Variants in CDK14 observed in about 807,000 individuals in gnomAD.
The protein encoded by CDK14 is cyclin dependent kinase 14.
In CDK14, 34 loss-of-function variants were observed where a neutral mutation model predicts 60.7. The observed-to-expected ratio is 0.56, with a 90% CI of 0.43 to 0.75. CDK14 has a LOEUF of 0.75. Among genes scored for constraint, CDK14 ranks in the 30% least tolerant of loss-of-function variants. The pLI, the probability that CDK14 is intolerant of heterozygous loss-of-function variation, is 0.00. For missense variants in CDK14, 482 were observed against 564.1 expected, an observed-to-expected ratio of 0.85 and a Z score of 1.47; for synonymous variants, 197 against 203.7, an observed-to-expected ratio of 0.97 and a Z score of 0.28.
chr7:90,710,275 A>T lies in CDK14; in HGVS notation c.124-16292A>T, dbSNP rs991435544. On this transcript the variant is annotated intron_variant, in intron 2 of 14. Coordinates refer to ENST00000380050, the MANE Select transcript of CDK14 (RefSeq NM_001287135.2). ...TGCTTCTTTGCCATATCTGAGTCTTATTCCTTCTGAAACTAGTCTTTATTT... is the reference window on the plus strand; with the variant it reads ...TGCTTCTTTGCCATATCTGAGTCTTTTTCCTTCTGAAACTAGTCTTTATTT... 6.1e-6 allele frequency: 6 copies of T among 985,156 alleles called. No homozygotes were observed. The African/African-American group carries it at 1.0e-4, about 17-fold the overall frequency. The allele number at this position is 985,156 out of a possible 1,614,324, so 61.0% of individuals were successfully genotyped here. A position where few individuals can be genotyped will look rare whatever the true frequency, so the allele number is the denominator to read the frequency against.
chr7:90,994,933 CT>C (rs901841022), intron 10 of CDK14, among the ~76,000 whole-genome samples: 2 of 152,172 alleles, frequency 1.3e-5, no homozygotes, highest in African/African-American at 4.8e-5. Context: ...TTGAGTAAAA[CT>C]TTCATTTGCA....
intron 4 of CDK14, among the ~76,000 whole-genome samples, chr7:90,773,850 TCC>T (rs1804889762): frequency 1.7e-5 from 1 of 59,766 alleles, no homozygotes; most frequent in Non-Finnish European, 3.7e-5. Flanking sequence ...TTCCCTCCTC[TCC>T]TCTCCTCTCC....
intron 2 of CDK14, among the ~76,000 whole-genome samples, chr7:90,724,891 A>G (rs1249242718): frequency 6.6e-6 from 1 of 152,084 alleles, no homozygotes; most frequent in Non-Finnish European, 1.5e-5. Context: ...AAGAGCACAA[A>G]AACCCTTAAA....
chr7:90,882,029 C>T (rs1287002067), intron 6 of CDK14, among the ~76,000 whole-genome samples: 1 of 152,130 alleles, frequency 6.6e-6, no homozygotes, highest in Non-Finnish European at 1.5e-5. Context: ...ACTCCATCAA[C>T]TAGTGTGCAA....
chr7:90,992,867 A>G (rs1795578775), intron 10 of CDK14, among the ~76,000 whole-genome samples: 2 of 152,224 alleles, frequency 1.3e-5, no homozygotes, highest in African/African-American at 4.8e-5. Flanking sequence ...GTTACAATTC[A>G]GGCATTAGAT....
intron 4 of CDK14, among the ~76,000 whole-genome samples, chr7:90,750,546 T>A (rs1389615129): frequency 1.3e-5 from 2 of 152,144 alleles, no homozygotes; most frequent in Non-Finnish European, 2.9e-5. Flanking sequence ...TCAGTCAGCG[T>A]TTCTAGAATT....
intron 12 of CDK14, among the ~76,000 whole-genome samples, chr7:91,106,285 CA>C (rs1799293253): frequency 6.6e-6 from 1 of 152,128 alleles, no homozygotes; most frequent in Admixed American, 6.5e-5. Context: ...ATAATGTCTT[CA>C]GAGGGTTAAG....
chr7:91,193,743 C>T (rs1308920311), intron 14 of CDK14, among the ~76,000 whole-genome samples: 1 of 151,904 alleles, frequency 6.6e-6, no homozygotes. Flanking sequence ...ATACTTTATA[C>T]AGTATATACA....
chr7:90,943,184 A>G (rs1303028927), intron 8 of CDK14, among the ~76,000 whole-genome samples: 5 of 152,142 alleles, frequency 3.3e-5, no homozygotes, highest in Non-Finnish European at 7.3e-5. Context: ...CCCCTTTCCA[A>G]GTGTGTTTTA....
intron 2 of CDK14, among the ~76,000 whole-genome samples, chr7:90,633,916 T>A (rs1800066842): frequency 6.6e-6 from 1 of 152,176 alleles, no homozygotes; most frequent in African/African-American, 2.4e-5. Context: ...GTCGGCAGAT[T>A]ATGTTGTGAA....
intron 10 of CDK14, 89 bp from the exon 11 acceptor site, chr7:91,045,808 A>G (rs779798772): frequency 1.0e-4 from 80 of 777,590 alleles, no homozygotes; most frequent in Non-Finnish European, 1.7e-4. Flanking sequence ...GAGTTTCATA[A>G]TATGTAGTGT....
chr7:90,982,093 C>T (rs957522285), intron 9 of CDK14, among the ~76,000 whole-genome samples: 6 of 152,152 alleles, frequency 3.9e-5, no homozygotes, highest in African/African-American at 1.4e-4. Flanking sequence ...GAGGCAAGGT[C>T]TTTTGATTTA....
At chr7:91,048,906 G>A (rs1381496278) in intron 11 of CDK14, among the ~76,000 whole-genome samples, 2 of 151,668 alleles carry the variant, frequency 1.3e-5, no homozygotes, top group African/African-American at 4.8e-5. Flanking sequence ...TTTATTTTTA[G>A]CGATGCTGCC....
At chr7:90,798,861 G>T (rs1000910921) in intron 5 of CDK14, among the ~76,000 whole-genome samples, 4 of 152,074 alleles carry the variant, frequency 2.6e-5, no homozygotes, top group Non-Finnish European at 4.4e-5. Flanking sequence ...TAGTGCTCAG[G>T]GTCAGCTTTT....
intron 10 of CDK14, among the ~76,000 whole-genome samples, chr7:91,024,392 C>A (rs1045505368): frequency 6.6e-6 from 1 of 152,112 alleles, no homozygotes; most frequent in East Asian, 1.9e-4. Flanking sequence ...GTGGCTCATG[C>A]CTGTAATCCC....
intron 8 of CDK14, among the ~76,000 whole-genome samples, chr7:90,953,592 C>T (rs1023588459): frequency 6.6e-6 from 1 of 152,006 alleles, no homozygotes; most frequent in Non-Finnish European, 1.5e-5. Context: ...CTTATTTTCC[C>T]CTTTACAACT....
intron 10 of CDK14, among the ~76,000 whole-genome samples, chr7:91,041,611 G>C (rs1797092768): frequency 6.6e-6 from 1 of 152,170 alleles, no homozygotes; most frequent in Non-Finnish European, 1.5e-5. Flanking sequence ...AAAACAATAT[G>C]TATCTTTACA....
chr7:91,194,026 G>A (rs1224081590), intron 14 of CDK14, among the ~76,000 whole-genome samples: 2 of 152,124 alleles, frequency 1.3e-5, no homozygotes, highest in Non-Finnish European at 2.9e-5. Context: ...CCAATCTCTA[G>A]TATGGAGACA....
At chr7:90,854,597 G>A (rs1790759028) in intron 5 of CDK14, among the ~76,000 whole-genome samples, 1 of 150,724 alleles carries the variant, frequency 6.6e-6, no homozygotes, top group Admixed American at 6.6e-5. Context: ...AATATGATAT[G>A]AATGGTTATT....
Sources: gnomAD v4.1 joint callset for allele counts (sites outside exome capture counted in the v4.1 genomes callset) on GRCh38, gnomAD v4.1.1 for gene constraint, MANE v1.5 for transcripts, NCBI Gene and HGNC (gene_info 2026-07-23, HGNC 2026-07-21) for gene names.